The following KIF1B variants were observed in gnomAD, a reference collection of about 807,000 sequenced individuals.
KIF1B encodes kinesin family member 1B.
In KIF1B, 76 loss-of-function variants were observed where a neutral mutation model predicts 241.9. The observed-to-expected ratio is 0.31, with a 90% CI of 0.26 to 0.38. The LOEUF is 0.38. Among genes scored for constraint, KIF1B ranks in the 10% least tolerant of loss-of-function variants. The pLI is 1.00. For missense variants in KIF1B, 1,622 were observed against 2,271.4 expected (o/e 0.71, Z 5.81); for synonymous variants, 750 against 796.7 (o/e 0.94, Z 0.99).
chr1:10,279,689 C>CTT (rs34983973), intron 14 of KIF1B, among the ~76,000 whole-genome samples: 6 of 67,652 alleles, frequency 8.9e-5, no homozygotes, highest in South Asian at 6.7e-4. Context: ...ACGTTTTTTC[C>CTT]TTTTTTTTTT....
chr1:10,218,796 A>C (rs540682792), intron 1 of KIF1B, among the ~76,000 whole-genome samples: 2 of 152,330 alleles, frequency 1.3e-5, no homozygotes, highest in South Asian at 4.1e-4. Flanking sequence ...CTTTGACTAC[A>C]CAACATATTT....
intron 35 of KIF1B, 79 bp downstream of exon 35, chr1:10,346,032 T>G: frequency 2.1e-6 from 2 of 930,266 alleles, no homozygotes; most frequent in Non-Finnish European, 3.5e-6. Context: ...TTCTTGTATT[T>G]GGGTTCATGA....
chr1:10,343,312 A>G (rs746031273), intron 34 of KIF1B, 25 bp downstream of exon 34: 83 of 1,610,486 alleles, frequency 5.2e-5, no homozygotes, highest in Middle Eastern at 1.6e-4. Flanking sequence ...CGCTTTTTGC[A>G]TGATGATCTC....
At position 10,271,571 on chromosome 1, in the gene KIF1B, C is replaced by T. The variant is rs1204762969; in HGVS notation, c.790C>T (p.Arg264Ter). The part of the protein sequence containing the change: ...RADSTGAKGT[R>*]LKEGANINKS... ...TGATTCAACTGGTGCCAAAGGGACT[C>T]GATTAAAGGTATTTATTTTAGCAAA... Residue 264 changes from arginine (R) to a stop codon, truncating the protein, a stop_gained, in exon 8 of 49, where the codon CGA (arginine) becomes TGA (stop). Coordinates refer to ENST00000676179, the MANE Select transcript of KIF1B (RefSeq NM_001365951.3). LOFTEE classifies it high-confidence loss of function. 6.2e-7 allele frequency: 1 copy of T among 1,611,236 alleles called. No homozygotes were observed. Among genetic ancestry groups the T allele is most frequent in the Non-Finnish European group, 8.5e-7 (1 of 1,177,614 alleles).
intron 2 of KIF1B, among the ~76,000 whole-genome samples, chr1:10,242,403 G>A (rs989044804): frequency 6.6e-6 from 1 of 152,186 alleles, no homozygotes; most frequent in Admixed American, 6.5e-5. Flanking sequence ...AACCTGAATG[G>A]CATGTTACTG....
At chr1:10,293,172 A>G (rs1650092368) in intron 17 of KIF1B, among the ~76,000 whole-genome samples, 1 of 151,946 alleles carries the variant, frequency 6.6e-6, no homozygotes, top group African/African-American at 2.4e-5. Context: ...CATATTGTAG[A>G]ATAGAACAGT....
intron 27 of KIF1B, among the ~76,000 whole-genome samples, chr1:10,330,121 C>G (rs541761667): frequency 9.9e-5 from 15 of 152,266 alleles, no homozygotes; most frequent in African/African-American, 3.4e-4. Flanking sequence ...TCTCTCATCC[C>G]TGTTCTCCTT....
At position 10,343,263 on chromosome 1, in the gene KIF1B, C is replaced by T; in HGVS notation, c.3664C>T (p.Pro1222Ser). The part of the protein sequence containing the change: ...PPQPCRRFFP[P>S]PMPLSKPVPA... ...TCAGCCGTGCCGCCGATTCTTCCCT[C>T]CACCCATGCCACTGTCCAAGCCAGG... Residue 1222 changes from proline (P) to serine (S), a missense_variant, in exon 34 of 49, where the codon CCA becomes TCA. By Grantham distance (74) the Pro-to-Ser change is moderately conservative. Around this residue, in one of 7 missense-constraint regions of KIF1B, gnomAD observed 803 missense variants for 1,112.0 expected, o/e 0.72. Coordinates refer to ENST00000676179, the MANE Select transcript of KIF1B (RefSeq NM_001365951.3). 6.2e-7 allele frequency: 1 copy of T among 1,614,220 alleles called. No homozygotes were observed. Among genetic ancestry groups the T allele is most frequent in the Non-Finnish European group, 8.5e-7 (1 of 1,180,022 alleles).
intron 1 of KIF1B, among the ~76,000 whole-genome samples, chr1:10,213,470 G>C (rs1646723588): frequency 6.6e-6 from 1 of 152,026 alleles, no homozygotes; most frequent in Non-Finnish European, 1.5e-5. Flanking sequence ...CTTTCTTAAG[G>C]CCAAAGCTTT....
intron 44 of KIF1B, among the ~76,000 whole-genome samples, chr1:10,370,634 C>T (rs139427079): frequency 0.02 from 2,580 of 125,906 alleles, 57 homozygotes; most frequent in African/African-American, 0.072. Flanking sequence ...GACCTTATCT[C>T]GAGAAAGAAA....
At chr1:10,330,514 C>T (rs1439999136) in intron 27 of KIF1B, among the ~76,000 whole-genome samples, 1 of 131,132 alleles carries the variant, frequency 7.6e-6, no homozygotes, top group African/African-American at 2.8e-5. Context: ...TTTTGAATAG[C>T]TATTTTTAAG....
chr1:10,214,276 CTTCT>C (rs544003990), intron 1 of KIF1B, among the ~76,000 whole-genome samples: 89 of 151,804 alleles, frequency 5.9e-4, no homozygotes, highest in Middle Eastern at 3.4e-3. Flanking sequence ...CACTTTACCA[CTTCT>C]TTCTTTCTTT....
In KIF1B at chr1:10,376,599, G is replaced by T. The variant is rs372449146; in HGVS notation, c.*12G>T. On this transcript the variant is annotated 3_prime_UTR_variant, in exon 49 of 49. Coordinates refer to ENST00000676179, the MANE Select transcript of KIF1B (RefSeq NM_001365951.3). ...AGTCGAAATACTAAGTGACTCTGCC[G>T]AGTGCCCTCACTCGCCTTCGAGAGA... 6.2e-7 allele frequency: 1 copy of T among 1,613,684 alleles called. No individual in the cohort carries two copies. The highest frequency in any genetic ancestry group is 2.2e-5 in the East Asian group (1 of 44,872).
chr1:10,228,891 A>C (rs1646943601), intron 1 of KIF1B, among the ~76,000 whole-genome samples: 1 of 152,202 alleles, frequency 6.6e-6, no homozygotes, highest in Admixed American at 6.6e-5. Flanking sequence ...GGTTTCAAAG[A>C]GTAGTGACAA....
chr1:10,303,230 C>T lies in KIF1B; in HGVS notation c.2115+5984C>T. The T allele has an allele frequency of 1.9e-6, 3 of 1,614,140 alleles. No individual in the cohort carries two copies. Among genetic ancestry groups the T allele is most frequent in the Non-Finnish European group, 1.7e-6 (2 of 1,180,010 alleles). On this transcript the variant is annotated intron_variant, in intron 22 of 48. Transcript: ENST00000676179. The surrounding 1 kb of genome is among the most constrained non-coding windows in gnomAD (Gnocchi z 5.2). ...TGTGAAGAGAGCTGGAAACTGATTA[C>T]TTCTCTGAGAGAAAAGCTACCTCCC... is the stretch of plus-strand genomic sequence containing the variant.
At position 10,323,932 on chromosome 1, in the gene KIF1B, C is replaced by T; in HGVS notation, c.2407C>T (p.Pro803Ser). 1.9e-6 allele frequency: 3 copies of T among 1,614,110 alleles called. No individual in the cohort carries two copies. Among genetic ancestry groups the T allele is most frequent in the South Asian group, 2.2e-5 (2 of 91,088 alleles). The change falls in exon 25 of 49, where the codon CCT (proline) becomes TCT (serine). Residue 803 changes from proline (P) to serine (S), a missense_variant. Physicochemically the swap from Pro to Ser is moderately conservative, Grantham distance 74 (BLOSUM62 -1). Transcript: ENST00000676179. ...LLTDTLYSPL[P>S]PELLPTEMEK... Reference sequence around the variant, plus strand: ...GACTGACACACTGTACTCCCCTTTGCCTCCTGAATTACTTCCCACTGAGAT... The same window carrying T: ...GACTGACACACTGTACTCCCCTTTGTCTCCTGAATTACTTCCCACTGAGAT...
chr1:10,294,459 C>A (rs887281836), intron 17 of KIF1B, among the ~76,000 whole-genome samples: 2 of 151,848 alleles, frequency 1.3e-5, no homozygotes, highest in African/African-American at 2.4e-5. Context: ...AGATTTTTAC[C>A]CAGGCATTTA....
chr1:10,223,524 GTTTTT>G (rs1306964607), intron 1 of KIF1B, among the ~76,000 whole-genome samples: 13 of 137,058 alleles, frequency 9.5e-5, no homozygotes, highest in African/African-American at 1.9e-4. Flanking sequence ...TTGCAAGGTG[GTTTTT>G]TTTTTTGTTT....
In KIF1B at chr1:10,309,454, G is replaced by A. The variant is rs575409201; in HGVS notation, c.2116-10589G>A. On this transcript the variant is annotated intron_variant, in intron 22 of 48. Coordinates refer to ENST00000676179, the MANE Select transcript of KIF1B (RefSeq NM_001365951.3). ...CACAGTGCTGCTGGTGGTGAGAAGC[G>A]AAGTTAAGTGTTGTCAACAACTGGG... 2.9e-4 allele frequency among the ~76,000 whole-genome samples: 42 copies of A among 147,318 alleles called. 4 individuals carry two copies. Among genetic ancestry groups the A allele is most frequent in the South Asian group, 2.7e-3 (13 of 4,820 alleles).
Sources: gnomAD v4.1 joint callset for allele counts (sites outside exome capture counted in the v4.1 genomes callset) on GRCh38, gnomAD v4.1.1 for gene constraint, gnomAD v4.1.1 regional missense constraint, Gnocchi (gnomAD v3.1) non-coding constraint, MANE v1.5 for transcripts, NCBI Gene and HGNC (gene_info 2026-07-23, HGNC 2026-07-21) for gene names.